Variants in NBPF11 observed in about 807,000 individuals in gnomAD.
The protein encoded by NBPF11 is NBPF member 11.
NBPF11 carries 72 observed loss-of-function variants against 93.9 expected under a neutral mutation model. The ratio of observed to expected loss-of-function variants is 0.77; its 90% CI spans 0.63 to 0.93. The LOEUF (loss-of-function observed/expected upper bound fraction) is 0.93. NBPF11 is among the 40% of genes least tolerant of loss of function. The pLI is 0.00. For missense variants in NBPF11, 705 were observed against 802.2 expected, an observed-to-expected ratio of 0.88 and a Z score of 1.46; for synonymous variants, 224 against 304.9, an observed-to-expected ratio of 0.73 and a Z score of 2.76.
intron 15 of NBPF11, among the ~76,000 whole-genome samples, chr1:148,111,220 G>C (rs1400918144): frequency 3.6e-4 from 55 of 152,120 alleles, no homozygotes; most frequent in African/African-American, 1.2e-3. Flanking sequence ...CAACAAAAAA[G>C]ACATCCACCC....
In NBPF11 at chr1:148,142,680, T is replaced by C. The variant is rs1298441335; in HGVS notation, c.-277+735A>G. On this transcript the variant is annotated intron_variant, in intron 2 of 23. Coordinates refer to ENST00000682118, the MANE Select transcript of NBPF11 (RefSeq NM_001385469.3). ...TCAATGCCTGCAGTGGTGGGTTCCG[T>C]GGGGTAGTGACCTGAGATTTACTCA... Among the ~76,000 whole-genome samples, 5 of 152,034 alleles carry C rather than the reference T, an allele frequency of 3.3e-5. No homozygotes were observed. The South Asian group carries it at 8.3e-4, about 25-fold the overall frequency.
chr1:148,120,663 C>T lies in NBPF11; in HGVS notation c.826G>A (p.Ala276Thr), dbSNP rs1667610904. The change falls in exon 10 of 24, where the codon GCC (alanine) becomes ACC (threonine). Residue 276 changes from alanine (A) to threonine (T), a missense_variant. Ala to Thr is a moderately conservative substitution (Grantham distance 58). Transcript: ENST00000682118. The part of the protein sequence containing the change: ...SATNVSMVVS[A>T]GPLSSEKAEM... ...GCCTTCTCGCTGGACAAAGGGCCGG[C>T]TGATACCACCATGCTGACGTTTGTG... 2 of 1,536,652 alleles carry T rather than the reference C, an allele frequency of 1.3e-6. No individual in the cohort carries two copies. Among genetic ancestry groups the T allele is most frequent in the Non-Finnish European group, 1.8e-6 (2 of 1,111,614 alleles).
At chr1:148,119,621 A>C (rs1667362926) in intron 10 of NBPF11, among the ~76,000 whole-genome samples, 1 of 151,686 alleles carries the variant, frequency 6.6e-6, no homozygotes, top group African/African-American at 2.4e-5. Flanking sequence ...CTTCACTCTC[A>C]CCAAGCTACT....
chr1:148,107,948 A>T (rs1571409518), intron 18 of NBPF11, among the ~76,000 whole-genome samples, 186 bp from the exon 19 acceptor site: 1 of 151,468 alleles, frequency 6.6e-6, no homozygotes, highest in South Asian at 2.1e-4. Context: ...TGTCCCAGAA[A>T]CTGTGGGTAA....
chr1:148,106,347 A>C (rs1305243061), intron 20 of NBPF11, 115 bp from the exon 21 acceptor site: 2 of 733,352 alleles, frequency 2.7e-6, no homozygotes, highest in Non-Finnish European at 5.0e-6. Context: ...AGAACAGGAC[A>C]ATGTGAGGGA....
At position 148,125,892 on chromosome 1, in the gene NBPF11, G is replaced by A. The variant is rs1435071758; in HGVS notation, c.176-891C>T. ...TGCACTGCTGCTTCCACACGTTCTCGGGTGTGATCTTTCTTCCTCTTTAGG... is the reference window on the plus strand; with the variant it reads ...TGCACTGCTGCTTCCACACGTTCTCAGGTGTGATCTTTCTTCCTCTTTAGG... On this transcript the variant is annotated intron_variant, in intron 5 of 23. Coordinates refer to ENST00000682118, the MANE Select transcript of NBPF11 (RefSeq NM_001385469.3). Among the ~76,000 whole-genome samples, 39 of 152,120 alleles carry A rather than the reference G, an allele frequency of 2.6e-4. 1 individual carries two copies. Among genetic ancestry groups the A allele is most frequent in the African/African-American group, 8.5e-4 (35 of 41,374 alleles).
chr1:148,148,369 A>G (rs1647283986), intron 1 of NBPF11, among the ~76,000 whole-genome samples: 1 of 152,172 alleles, frequency 6.6e-6, no homozygotes, highest in Non-Finnish European at 1.5e-5. Context: ...GGGTCCCGGC[A>G]TGGGCAGGGT....
At chr1:148,140,312 A>G (rs1238888400) in intron 2 of NBPF11, among the ~76,000 whole-genome samples, 1 of 151,980 alleles carries the variant, frequency 6.6e-6, no homozygotes, top group African/African-American at 2.4e-5. Context: ...CAAAACCATA[A>G]GAATCCTAGG....
chr1:148,149,529 G>C, intron 1 of NBPF11: 3 of 1,593,922 alleles, frequency 1.9e-6, no homozygotes, highest in East Asian at 2.2e-5. Flanking sequence ...CGCCTGCGTC[G>C]CTTCATCTCC....
chr1:148,112,146 G>T lies in NBPF11; in HGVS notation c.1638-1605C>A, dbSNP rs1440048992. On this transcript the variant is annotated intron_variant, in intron 15 of 23. Coordinates refer to ENST00000682118, the MANE Select transcript of NBPF11 (RefSeq NM_001385469.3). ...ATAGTTTTCCTTTATTATTTTTTGT[G>T]TGTATGTATATATATATATTTTAAT... is the stretch of plus-strand genomic sequence containing the variant. Among the ~76,000 whole-genome samples the T allele has an allele frequency of 4.0e-5, 5 of 123,700 alleles. 1 individual carries two copies. The East Asian group carries it at 1.3e-3, about 33-fold the overall frequency. 81.2% of individuals were successfully genotyped at this position (123,700 alleles called of 152,430 possible).
At chr1:148,105,643 T>C (rs376611938) in intron 21 of NBPF11, 115 bp from the exon 22 acceptor site, 48,023 of 549,472 alleles carry the variant, frequency 0.087, 6,634 homozygotes, top group African/African-American at 0.19. Flanking sequence ...AGGATAGATC[T>C]ATTAATGAGG....
intron 10 of NBPF11, among the ~76,000 whole-genome samples, chr1:148,119,646 C>G (rs1450724871): frequency 2.6e-5 from 4 of 152,044 alleles, no homozygotes; most frequent in East Asian, 1.9e-4. Flanking sequence ...GCTTTTTATT[C>G]TTATTTTTAT....
Position 148,115,164 on chromosome 1 carries a change from C to CAAAA in NBPF11, c.1585+625_1585+628dup, listed in dbSNP as rs57869119. Among the ~76,000 whole-genome samples the CAAAA allele has an allele frequency of 1.6e-3, 19 of 12,160 alleles. 4 individuals are homozygous for CAAAA. Among genetic ancestry groups the CAAAA allele is most frequent in the East Asian group, 6.2e-3 (2 of 324 alleles). 8.0% of individuals were successfully genotyped at this position (12,160 alleles called of 152,430 possible). A position where few individuals can be genotyped will look rare whatever the true frequency, so the allele number is the denominator to read the frequency against. The stretch of plus-strand genomic sequence containing the variant: ...TAGGTGACAGAGCAGGACTCCATCA[C>CAAAA]AAAAAAAAAAAAAAAAAAAAAAAAA... On this transcript the variant is annotated intron_variant, in intron 14 of 23. Transcript: ENST00000682118.
chr1:148,132,438 A>G (rs1401726117), intron 4 of NBPF11, among the ~76,000 whole-genome samples: 1 of 149,534 alleles, frequency 6.7e-6, no homozygotes, highest in African/African-American at 2.5e-5. Context: ...TTCATTCACC[A>G]TTATTCTTTT....
At chr1:148,120,140 A>C (rs1667487874) in intron 10 of NBPF11, among the ~76,000 whole-genome samples, 1 of 151,954 alleles carries the variant, frequency 6.6e-6, no homozygotes, top group East Asian at 1.9e-4. Context: ...CACTAGTCTC[A>C]GATATTTAGA....
rs1305340008 is a variant in NBPF11 at position 148,151,966 on chromosome 1, G to T, written c.-765C>A. 2 of 152,502 alleles carry T rather than the reference G, an allele frequency of 1.3e-5. No individual in the cohort carries two copies. Among genetic ancestry groups the T allele is most frequent in the South Asian group, 2.1e-4 (1 of 4,836 alleles). The allele number at this position is 152,502 out of a possible 1,614,324, so 9.4% of individuals were successfully genotyped here. Reference sequence around the variant, plus strand: ...CACCGCCGCCCAGCAACTTGCTTGCGGCCCGCTGGCTCCTCAGGGTCCGGA... The same window carrying T: ...CACCGCCGCCCAGCAACTTGCTTGCTGCCCGCTGGCTCCTCAGGGTCCGGA... On this transcript the variant is annotated 5_prime_UTR_variant, in exon 1 of 24. Transcript: ENST00000682118.
At chr1:148,148,668 C>T (rs1438906158) in intron 1 of NBPF11, among the ~76,000 whole-genome samples, 1 of 151,992 alleles carries the variant, frequency 6.6e-6, no homozygotes, top group East Asian at 1.9e-4. Flanking sequence ...CATTTGGGGA[C>T]ACAGCTGCCT....
intron 4 of NBPF11, chr1:148,127,241 A>T (rs2149253272): frequency 3.4e-5 from 8 of 237,134 alleles, no homozygotes; most frequent in East Asian, 1.7e-4. Context: ...CACTGCTCAG[A>T]CTCTGATAAG....
At chr1:148,111,972 G>C (rs1342958931) in intron 15 of NBPF11, among the ~76,000 whole-genome samples, 3 of 150,544 alleles carry the variant, frequency 2.0e-5, no homozygotes, top group Non-Finnish European at 4.4e-5. Flanking sequence ...AGGTTGAAAT[G>C]AAGGAAAAAA....
Sources: gnomAD v4.1 joint callset for allele counts (sites outside exome capture counted in the v4.1 genomes callset) on GRCh38, gnomAD v4.1.1 for gene constraint, MANE v1.5 for transcripts, NCBI Gene and HGNC (gene_info 2026-07-23, HGNC 2026-07-21) for gene names.